TGFBR2: variants seen among roughly 807,000 people sequenced by gnomAD.
TGFBR2 encodes TGF-beta receptor type-2.
A neutral mutation model predicts 49.0 loss-of-function variants in TGFBR2; 18 were observed. That is an observed-to-expected ratio of 0.37 (90% confidence interval 0.25 to 0.54). The LOEUF is 0.54. Ranked by LOEUF, TGFBR2 falls within the 20% of genes least tolerant of loss-of-function variation. TGFBR2 has a pLI of 0.85. For missense variants in TGFBR2, 525 were observed against 722.6 expected (o/e 0.73, Z 3.13); for synonymous variants, 282 against 275.9 (o/e 1.02, Z -0.22).
intron 3 of TGFBR2, among the ~76,000 whole-genome samples, chr3:30,657,005 A>G (rs1021160132): frequency 2.6e-5 from 4 of 152,182 alleles, no homozygotes; most frequent in African/African-American, 9.7e-5. Flanking sequence ...TTACATTTTT[A>G]TGATGAAGTG....
intron 5 of TGFBR2, among the ~76,000 whole-genome samples, chr3:30,675,636 C>T (rs1221627200): frequency 1.3e-5 from 2 of 152,174 alleles, no homozygotes; most frequent in Non-Finnish European, 2.9e-5. Flanking sequence ...CTGCCCACCT[C>T]GGCCTCCCAA....
At chr3:30,618,609 C>G (rs1448547910) in intron 1 of TGFBR2, among the ~76,000 whole-genome samples, 3 of 152,144 alleles carry the variant, frequency 2.0e-5, no homozygotes, top group Non-Finnish European at 4.4e-5. Context: ...TCACAGATTG[C>G]CTTGACATAT....
chr3:30,625,666 C>T (rs1698320009), intron 1 of TGFBR2, among the ~76,000 whole-genome samples: 1 of 152,094 alleles, frequency 6.6e-6, no homozygotes, highest in South Asian at 2.1e-4. Context: ...CAACTAAATG[C>T]CCTGCAGCCA....
chr3:30,679,625 G>T (rs1434724781), intron 5 of TGFBR2, among the ~76,000 whole-genome samples: 5 of 152,178 alleles, frequency 3.3e-5, no homozygotes, highest in Admixed American at 6.5e-5. Context: ...TTAAGCACTT[G>T]CTCCACACAT....
At chr3:30,665,388 C>A (rs1035965283) in intron 3 of TGFBR2, among the ~76,000 whole-genome samples, 3 of 152,104 alleles carry the variant, frequency 2.0e-5, no homozygotes, top group African/African-American at 7.2e-5. Flanking sequence ...CTCTGTAAAA[C>A]GGGGGTAAGA....
intron 5 of TGFBR2, among the ~76,000 whole-genome samples, chr3:30,678,156 T>C (rs1699471067): frequency 6.6e-6 from 1 of 152,174 alleles, no homozygotes; most frequent in South Asian, 2.1e-4. Context: ...GTCTGTGTGC[T>C]TGTGGGATCA....
In TGFBR2 at chr3:30,641,494, TGA is replaced by T. The variant is rs1440714857; in HGVS notation, c.95-3252_95-3251del. ...CTAATAGGGAGTCGATGGCTGGTGCTGAACATGTCCTGCATACAGGCTTTTGA... is the reference window on the plus strand; with the variant it reads ...CTAATAGGGAGTCGATGGCTGGTGCTACATGTCCTGCATACAGGCTTTTGA... On this transcript the variant is annotated intron_variant, in intron 1 of 6. Coordinates refer to ENST00000295754, the MANE Select transcript of TGFBR2 (RefSeq NM_003242.6). Among the ~76,000 whole-genome samples, 3 of 152,292 alleles carry T rather than the reference TGA, an allele frequency of 2.0e-5. No individual in the cohort carries two copies. The East Asian group carries it at 5.8e-4, about 29-fold the overall frequency.
At chr3:30,645,631 G>T (rs888192877) in intron 2 of TGFBR2, among the ~76,000 whole-genome samples, 1 of 151,776 alleles carries the variant, frequency 6.6e-6, no homozygotes, top group African/African-American at 2.4e-5. Context: ...GATTACAGGT[G>T]CCCACTACCA....
At chr3:30,619,544 A>G (rs1698191009) in intron 1 of TGFBR2, among the ~76,000 whole-genome samples, 1 of 152,158 alleles carries the variant, frequency 6.6e-6, no homozygotes, top group East Asian at 1.9e-4. Flanking sequence ...CTACGTGCAC[A>G]GATGAAGCCA....
At chr3:30,625,756 G>A (rs1330773842) in intron 1 of TGFBR2, among the ~76,000 whole-genome samples, 2 of 152,156 alleles carry the variant, frequency 1.3e-5, no homozygotes, top group Admixed American at 6.5e-5. Context: ...GGTTGGGCTT[G>A]ATTGTACATG....
chr3:30,692,164 A>G lies in TGFBR2; in HGVS notation c.*565A>G, dbSNP rs193049270. ...ATGTCTCACAGCCAGCTATGACCAC[A>G]TTGCACTTGCTTTTGCAAAATAATC... is the stretch of plus-strand genomic sequence containing the variant. On this transcript the variant is annotated 3_prime_UTR_variant, in exon 7 of 7. Coordinates refer to ENST00000295754, the MANE Select transcript of TGFBR2 (RefSeq NM_003242.6). 5 of 226,100 alleles carry G rather than the reference A, an allele frequency of 2.2e-5. No homozygotes were observed. In the East Asian group the frequency reaches 3.2e-4, roughly 14 times the overall value. 14.0% of individuals were successfully genotyped at this position (226,100 alleles called of 1,614,324 possible).
intron 1 of TGFBR2, among the ~76,000 whole-genome samples, chr3:30,630,198 T>A (rs1698410585): frequency 6.6e-6 from 1 of 152,154 alleles, no homozygotes; most frequent in Non-Finnish European, 1.5e-5. Flanking sequence ...CCATACGATT[T>A]TACACATCTG....
intron 1 of TGFBR2, among the ~76,000 whole-genome samples, chr3:30,612,137 T>G (rs1698041649): frequency 6.6e-6 from 1 of 152,198 alleles, no homozygotes; most frequent in African/African-American, 2.4e-5. Flanking sequence ...AATTGTCTCA[T>G]CTCAGGGAGA....
At chr3:30,651,143 A>G (rs1698877288) in intron 3 of TGFBR2, among the ~76,000 whole-genome samples, 1 of 152,210 alleles carries the variant, frequency 6.6e-6, no homozygotes, top group Admixed American at 6.5e-5. Context: ...TATTCCCTCA[A>G]TTTTTAATAA....
rs781692282 is a variant in TGFBR2, at chr3:30,671,850, G to A, written c.667G>A (p.Asp223Asn). 5 of 1,614,218 alleles carry A rather than the reference G, an allele frequency of 3.1e-6. No individual in the cohort carries two copies. Among genetic ancestry groups the A allele is most frequent in the Non-Finnish European group, 4.2e-6 (5 of 1,180,038 alleles). ...GCACTGTGCCATCATCCTGGAAGAT[G>A]ACCGCTCTGACATCAGCTCCACGTG... is the stretch of plus-strand genomic sequence containing the variant. ...SEHCAIILED[D>N]RSDISSTCAN... Residue 223 changes from aspartate to asparagine, a missense_variant, in exon 4 of 7, where the codon GAC becomes AAC. By Grantham distance (23) the Asp-to-Asn change is conservative. Transcript: ENST00000295754.
chr3:30,642,314 TG>T (rs200462950), intron 1 of TGFBR2, among the ~76,000 whole-genome samples: 1 of 148,590 alleles, frequency 6.7e-6, no homozygotes, highest in Non-Finnish European at 1.5e-5. Context: ...GGGGTGGGAG[TG>T]GGGGGGTTGC....
At chr3:30,648,427 C>CACAA (rs1405417354) in intron 2 of TGFBR2, among the ~76,000 whole-genome samples, 1,502 of 88,422 alleles carry the variant, frequency 0.017, 33 homozygotes, top group African/African-American at 0.073. Context: ...CCTACACACA[C>CACAA]ACACACACAC....
intron 1 of TGFBR2, among the ~76,000 whole-genome samples, chr3:30,642,393 A>G (rs932344136): frequency 6.6e-6 from 1 of 152,190 alleles, no homozygotes; most frequent in Non-Finnish European, 1.5e-5. Context: ...CCTTGGTTCC[A>G]CATTAGAATC....
intron 3 of TGFBR2, among the ~76,000 whole-genome samples, chr3:30,654,161 A>G (rs2125414532): frequency 6.6e-6 from 1 of 152,342 alleles, no homozygotes; most frequent in African/African-American, 2.4e-5. Flanking sequence ...AGACAAATTC[A>G]AACATCTAGA....
Sources: allele counts gnomAD v4.1 joint callset (sites outside exome capture counted in the v4.1 genomes callset), GRCh38; gene constraint gnomAD v4.1.1; transcripts MANE v1.5; gene names NCBI Gene and HGNC (gene_info 2026-07-23, HGNC 2026-07-21).